The following LPAR1 variants were observed in gnomAD, a reference collection of about 807,000 sequenced individuals.
LPAR1 encodes LPA receptor 1.
A neutral mutation model predicts 23.8 loss-of-function variants in LPAR1; 5 were observed. The observed-to-expected ratio is 0.21, with a 90% CI of 0.11 to 0.44. LPAR1 has a LOEUF of 0.44. LPAR1 is among the 20% of genes least tolerant of loss of function. LPAR1 has a pLI of 0.99. For missense variants in LPAR1, 311 were observed against 482.8 expected (o/e 0.64, Z 3.33); for synonymous variants, 160 against 164.7 (o/e 0.97, Z 0.22).
intron 5 of LPAR1, among the ~76,000 whole-genome samples, chr9:110,897,377 C>T (rs889693777): frequency 6.6e-6 from 1 of 152,156 alleles, no homozygotes; most frequent in African/African-American, 2.4e-5. Flanking sequence ...CCTTCCTCCA[C>T]GATTGTGTGG....
At chr9:110,896,848 C>T (rs965697385) in intron 5 of LPAR1, among the ~76,000 whole-genome samples, 9 of 140,092 alleles carry the variant, frequency 6.4e-5, no homozygotes, top group Admixed American at 1.5e-4. Context: ...AGTGCAGTGG[C>T]GTGATCTCAG....
Position 110,874,360 on chromosome 9 carries a change from ATCTACT to A in LPAR1, c.*1055_*1060del. The A allele has an allele frequency of 6.6e-6, 1 of 152,660 alleles. No homozygotes were observed. The highest frequency in any genetic ancestry group is 6.5e-5 in the Admixed American group (1 of 15,272). The allele number at this position is 152,660 out of a possible 1,614,324, so 9.5% of individuals were successfully genotyped here. A position where few individuals can be genotyped will look rare whatever the true frequency, so the allele number is the denominator to read the frequency against. On this transcript the variant is annotated 3_prime_UTR_variant, in exon 6 of 6. Transcript: ENST00000683809. ...ATGTGGCAATTTTGCAATGAAAAAG[ATCTACT>A]TATAAAACTGTTTACAGTATGACTC...
In LPAR1 at chr9:110,931,299, T is replaced by C. The variant is rs113189746; in HGVS notation, c.793+10122A>G. On this transcript the variant is annotated intron_variant, in intron 5 of 5. Coordinates refer to ENST00000683809, the MANE Select transcript of LPAR1 (RefSeq NM_001351411.2). ...GCCTGTTTTGTCATATTATATTGTG[T>C]TTATTTACCATGTTATATTGCACTT... Among the ~76,000 whole-genome samples, 1,290 of 152,324 alleles carry C rather than the reference T, an allele frequency of 8.5e-3. 16 individuals carry two copies. The highest frequency in any genetic ancestry group is 0.029 in the African/African-American group (1,219 of 41,578).
chr9:110,882,375 C>T (rs2081121509), intron 5 of LPAR1, among the ~76,000 whole-genome samples: 1 of 152,082 alleles, frequency 6.6e-6, no homozygotes, highest in Non-Finnish European at 1.5e-5. Flanking sequence ...GCGCCTAGTA[C>T]ATATATCCCA....
intron 5 of LPAR1, among the ~76,000 whole-genome samples, chr9:110,908,680 C>T (rs2091852826): frequency 6.6e-6 from 1 of 152,134 alleles, no homozygotes. Flanking sequence ...CCTAGGAGGC[C>T]TTGAAAATGC....
At chr9:111,022,692 A>T (rs1411333371) in intron 2 of LPAR1, among the ~76,000 whole-genome samples, 1 of 152,114 alleles carries the variant, frequency 6.6e-6, no homozygotes, top group African/African-American at 2.4e-5. Flanking sequence ...AATCCAACCA[A>T]ATCTATTTCT....
At chr9:110,999,138 A>G (rs2031367473) in intron 2 of LPAR1, among the ~76,000 whole-genome samples, 5 of 152,194 alleles carry the variant, frequency 3.3e-5, no homozygotes, top group Admixed American at 1.3e-4. Flanking sequence ...ACTTCTGAAT[A>G]AAGATGATGT....
chr9:110,935,513 G>A (rs1279911293), intron 5 of LPAR1, among the ~76,000 whole-genome samples: 2 of 152,134 alleles, frequency 1.3e-5, no homozygotes, highest in Non-Finnish European at 2.9e-5. Context: ...TATTGGCTGG[G>A]CATGGTGGCT....
intron 5 of LPAR1, among the ~76,000 whole-genome samples, chr9:110,895,531 T>G (rs1456464734): frequency 6.6e-6 from 1 of 152,158 alleles, no homozygotes; most frequent in Admixed American, 6.5e-5. Context: ...GGGCCTGACC[T>G]AGTTGAGATG....
Position 110,942,134 on chromosome 9 carries a change from T to C in LPAR1, c.80A>G (p.Asn27Ser). The C allele has an allele frequency of 1.9e-6, 3 of 1,613,930 alleles. No individual in the cohort carries two copies. The highest frequency in any genetic ancestry group is 2.5e-6 in the Non-Finnish European group (3 of 1,179,906). The stretch of plus-strand genomic sequence containing the variant: ...GTTATAAAAGAAGGCAATGGACTCG[T>C]TGTAGAAGCACTGTGGTTCATTCAT... ...TAMNEPQCFY[N>S]ESIAFFYNRS... The change falls in exon 5 of 6, where the codon AAC becomes AGC. Residue 27 changes from asparagine to serine, a missense_variant. This residue lies in a region of LPAR1 where 61 missense variants were observed against 55.6 expected (regional missense o/e 1.10). Transcript: ENST00000683809.
intron 2 of LPAR1, among the ~76,000 whole-genome samples, chr9:110,986,796 G>C (rs2096791995): frequency 6.6e-6 from 1 of 152,156 alleles, no homozygotes; most frequent in South Asian, 2.1e-4. Flanking sequence ...TCTTAACAGA[G>C]ACATCTTCCA....
In LPAR1 at chr9:111,009,720, G is replaced by A. The variant is rs958924453; in HGVS notation, c.-182+26402C>T. Among the ~76,000 whole-genome samples, 20 of 151,622 alleles carry A rather than the reference G, an allele frequency of 1.3e-4. 1 individual carries two copies. Among genetic ancestry groups the A allele is most frequent in the African/African-American group, 4.8e-4 (20 of 41,346 alleles). On this transcript the variant is annotated intron_variant, in intron 2 of 5. Coordinates refer to ENST00000683809, the MANE Select transcript of LPAR1 (RefSeq NM_001351411.2). Reference sequence around the variant, plus strand: ...CATATATATATGTATTTGAGTATATGAAGGGACATATACCAATACTGTTAA... The same window carrying A: ...CATATATATATGTATTTGAGTATATAAAGGGACATATACCAATACTGTTAA...
Position 110,896,483 on chromosome 9 carries a change from T to C in LPAR1, c.794-20761A>G, listed in dbSNP as rs58047046. On this transcript the variant is annotated intron_variant, in intron 5 of 5. Transcript: ENST00000683809. ...TTTATTTGCTTAGTCTGATTGTTACTGAATTACACCTTATTTTGTGTTTTG... is the reference window on the plus strand; with the variant it reads ...TTTATTTGCTTAGTCTGATTGTTACCGAATTACACCTTATTTTGTGTTTTG... 3.8e-3 allele frequency among the ~76,000 whole-genome samples: 572 copies of C among 152,364 alleles called. 2 individuals are homozygous for C. The highest frequency in any genetic ancestry group is 0.013 in the African/African-American group (525 of 41,590).
chr9:111,028,003 T>C (rs2097727855), intron 2 of LPAR1, among the ~76,000 whole-genome samples: 2 of 151,858 alleles, frequency 1.3e-5, no homozygotes, highest in East Asian at 3.9e-4. Flanking sequence ...ATGTAGTCAT[T>C]AGAAATTAAA....
At chr9:110,917,297 C>G (rs1427985788) in intron 5 of LPAR1, among the ~76,000 whole-genome samples, 1 of 151,948 alleles carries the variant, frequency 6.6e-6, no homozygotes, top group Non-Finnish European at 1.5e-5. Context: ...TGCAGTGAGC[C>G]AAGATTGTGC....
chr9:111,017,716 T>C (rs1447202564), intron 2 of LPAR1, among the ~76,000 whole-genome samples: 1 of 152,142 alleles, frequency 6.6e-6, no homozygotes, highest in African/African-American at 2.4e-5. Flanking sequence ...GTTGATGCAG[T>C]GTATACAGTT....
At chr9:110,990,212 A>T (rs976038326) in intron 2 of LPAR1, among the ~76,000 whole-genome samples, 5 of 152,142 alleles carry the variant, frequency 3.3e-5, no homozygotes, top group African/African-American at 1.2e-4. Context: ...ATCAGTAAGG[A>T]TATAAGAGAC....
intron 2 of LPAR1, among the ~76,000 whole-genome samples, chr9:111,001,369 T>G (rs994049642): frequency 2.0e-5 from 3 of 152,142 alleles, no homozygotes; most frequent in African/African-American, 7.2e-5. Flanking sequence ...GACCTACCAA[T>G]GAGTAAGACA....
intron 5 of LPAR1, among the ~76,000 whole-genome samples, chr9:110,919,868 T>C (rs1464015503): frequency 6.6e-6 from 1 of 152,162 alleles, no homozygotes; most frequent in Non-Finnish European, 1.5e-5. Flanking sequence ...CAGAGAGTCC[T>C]CTTTAGATTG....
Sources: allele counts gnomAD v4.1 joint callset (sites outside exome capture counted in the v4.1 genomes callset), GRCh38; gene constraint gnomAD v4.1.1; regional missense constraint gnomAD v4.1.1; transcripts MANE v1.5; gene names NCBI Gene and HGNC (gene_info 2026-07-23, HGNC 2026-07-21).